Variants in CYTIP observed in about 807,000 individuals in gnomAD.
CYTIP encodes the protein cytohesin 1 interacting protein.
CYTIP carries 26 observed loss-of-function variants against 43.8 expected under a neutral mutation model. That is an observed-to-expected ratio of 0.59 (90% CI 0.44 to 0.82). The LOEUF (loss-of-function observed/expected upper bound fraction) is 0.82. CYTIP is among the 40% of genes least tolerant of loss of function. The pLI, the probability that CYTIP is intolerant of heterozygous loss-of-function variation, is 0.00. For synonymous variants in CYTIP, 162 were observed against 162.9 expected, an observed-to-expected ratio of 0.99 and a Z score of 0.04; for missense variants, 426 against 443.1, an observed-to-expected ratio of 0.96 and a Z score of 0.35.
In CYTIP at chr2:157,415,275, A is replaced by G. The variant is rs944256784; in HGVS notation, c.*402T>C. 3.0e-5 allele frequency: 5 copies of G among 164,626 alleles called. No homozygotes were observed. Among genetic ancestry groups the G allele is most frequent in the Admixed American group, 1.2e-4 (2 of 17,378 alleles). The allele number at this position is 164,626 out of a possible 1,614,324, so 10.2% of individuals were successfully genotyped here. ...GCATAAGCAAACCTAAGATTTTATA[A>G]CCCAGCAATTATCCTATAGAAAATA... On this transcript the variant is annotated 3_prime_UTR_variant, in exon 8 of 8. Transcript: ENST00000264192.
intron 6 of CYTIP, among the ~76,000 whole-genome samples, chr2:157,421,259 T>C (rs776635103): frequency 2.0e-5 from 3 of 152,228 alleles, no homozygotes; most frequent in Non-Finnish European, 4.4e-5. Flanking sequence ...CTGTGCCTAG[T>C]TCAGTGCCAG....
At chr2:157,434,611 G>GAC in intron 2 of CYTIP, 87 bp downstream of exon 2, 1 of 984,236 alleles carries the variant, frequency 1.0e-6, no homozygotes, top group South Asian at 1.4e-5. Context: ...GAGAGAGAGA[G>GAC]AGAGAGGAAG....
intron 1 of CYTIP, among the ~76,000 whole-genome samples, chr2:157,441,721 C>T (rs1685922042): frequency 6.6e-6 from 1 of 152,140 alleles, no homozygotes; most frequent in Admixed American, 6.5e-5. Context: ...TTTCAGTTCA[C>T]GCTATCTTCA....
At chr2:157,435,444 A>G (rs1685794975) in intron 1 of CYTIP, among the ~76,000 whole-genome samples, 1 of 152,242 alleles carries the variant, frequency 6.6e-6, no homozygotes, top group Non-Finnish European at 1.5e-5. Flanking sequence ...AAGAAAGGAA[A>G]GAAACCTCAG....
intron 7 of CYTIP, among the ~76,000 whole-genome samples, chr2:157,417,243 C>T (rs894420479): frequency 6.6e-6 from 1 of 152,180 alleles, no homozygotes; most frequent in African/African-American, 2.4e-5. Flanking sequence ...GCTAATACAA[C>T]CTACTTCATT....
chr2:157,435,334 C>T (rs1467360509), intron 1 of CYTIP, among the ~76,000 whole-genome samples: 1 of 152,148 alleles, frequency 6.6e-6, no homozygotes, highest in African/African-American at 2.4e-5. Context: ...ACAACCAACT[C>T]ACACACACAA....
intron 7 of CYTIP, among the ~76,000 whole-genome samples, chr2:157,417,719 A>G (rs2105131283): frequency 6.6e-6 from 1 of 152,258 alleles, no homozygotes; most frequent in South Asian, 2.1e-4. Flanking sequence ...ACAGAAGTTC[A>G]TACCAGAACT....
At chr2:157,416,346 A>G (rs1333384663) in intron 7 of CYTIP, among the ~76,000 whole-genome samples, 1 of 152,238 alleles carries the variant, frequency 6.6e-6, no homozygotes, top group East Asian at 1.9e-4. Flanking sequence ...ACTATTGTTC[A>G]TAGACCAAGG....
At chr2:157,438,958 G>A (rs925575162) in intron 1 of CYTIP, 1 of 416,290 alleles carries the variant, frequency 2.4e-6, no homozygotes, top group African/African-American at 2.0e-5. Context: ...TGAATCAAAA[G>A]TCATTCTGGA....
chr2:157,415,559 T>C lies in CYTIP; in HGVS notation c.*118A>G. On this transcript the variant is annotated 3_prime_UTR_variant, in exon 8 of 8. Transcript: ENST00000264192. ...ACAACAATTTAAATAAAGGTCACTA[T>C]TGCTGTGAAATGGGATGTCAGTTTT... 1 of 671,848 alleles carries C rather than the reference T, an allele frequency of 1.5e-6. No homozygotes were observed. The highest frequency in any genetic ancestry group is 2.7e-5 in the East Asian group (1 of 37,622). The allele number at this position is 671,848 out of a possible 1,614,324, so 41.6% of individuals were successfully genotyped here.
chr2:157,419,355 C>T (rs16841714), intron 6 of CYTIP, among the ~76,000 whole-genome samples: 3,915 of 152,228 alleles, frequency 0.026, 119 homozygotes, highest in East Asian at 0.091. Flanking sequence ...GCTTCCTTAG[C>T]GGGCTAAACT....
At chr2:157,441,419 A>AT (rs370684193) in intron 1 of CYTIP, among the ~76,000 whole-genome samples, 12 of 152,188 alleles carry the variant, frequency 7.9e-5, no homozygotes, top group Non-Finnish European at 1.5e-4. Context: ...TTGTTTTGCT[A>AT]TTTTTTAAAG....
intron 1 of CYTIP, among the ~76,000 whole-genome samples, chr2:157,443,171 C>T (rs1685943473): frequency 6.6e-6 from 1 of 152,140 alleles, no homozygotes; most frequent in South Asian, 2.1e-4. Flanking sequence ...CTGTGTTAGG[C>T]ACTGCACAGT....
chr2:157,437,369 A>T (rs1167501388), intron 1 of CYTIP, among the ~76,000 whole-genome samples: 4 of 152,126 alleles, frequency 2.6e-5, no homozygotes, highest in East Asian at 1.9e-4. Context: ...AAAAAAATTT[A>T]AAAATGGGCA....
intron 3 of CYTIP, among the ~76,000 whole-genome samples, chr2:157,431,622 T>G (rs1685715203): frequency 6.6e-6 from 1 of 152,214 alleles, no homozygotes; most frequent in Non-Finnish European, 1.5e-5. Flanking sequence ...TTTTTTATTT[T>G]TAATTATACC....
At chr2:157,417,028 A>G (rs1259219563) in intron 7 of CYTIP, among the ~76,000 whole-genome samples, 1 of 152,118 alleles carries the variant, frequency 6.6e-6, no homozygotes, top group Non-Finnish European at 1.5e-5. Context: ...CAGCCTTGGA[A>G]AAACGTAATC....
At position 157,422,434 on chromosome 2, in the gene CYTIP, T is replaced by C. The variant is rs541591214; in HGVS notation, c.547-3845A>G. Among the ~76,000 whole-genome samples, 10 of 152,200 alleles carry C rather than the reference T, an allele frequency of 6.6e-5. No homozygotes were observed. The East Asian group carries it at 1.9e-3, about 29-fold the overall frequency. ...TGTAATCCCAGCACTTTGGGAGGCCTAAGCGAGCGGATCACCTGAGGGCAG... is the reference window on the plus strand; with the variant it reads ...TGTAATCCCAGCACTTTGGGAGGCCCAAGCGAGCGGATCACCTGAGGGCAG... On this transcript the variant is annotated intron_variant, in intron 6 of 7. Coordinates refer to ENST00000264192, the MANE Select transcript of CYTIP (RefSeq NM_004288.5).
chr2:157,415,972 T>C lies in CYTIP; in HGVS notation c.785A>G (p.Gln262Arg), dbSNP rs200722855. The C allele has an allele frequency of 9.9e-6, 16 of 1,614,238 alleles. No homozygotes were observed. The African/African-American group carries it at 2.1e-4, about 22-fold the overall frequency. Residue 262 changes from glutamine (Q) to arginine (R), a missense_variant, in exon 8 of 8, where the codon CAG becomes CGG. By Grantham distance (43) the Gln-to-Arg change is conservative. Coordinates refer to ENST00000264192, the MANE Select transcript of CYTIP (RefSeq NM_004288.5). ...GCTGGAGTCCTCAGACACACACGTC[T>C]GGTAGCCATCTTCACTGTCCATCGT... ...SMTMDSEDGY[Q>R]TCVSEDSSRG... is the part of the protein sequence containing the mutation.
In CYTIP at chr2:157,415,730, T is replaced by C; in HGVS notation, c.1027A>G (p.Lys343Glu). Residue 343 changes from lysine (K) to glutamate (E), a missense_variant, in exon 8 of 8, where the codon AAA (lysine) becomes GAA (glutamate). Coordinates refer to ENST00000264192, the MANE Select transcript of CYTIP (RefSeq NM_004288.5). ...RKGSVRKQLL[K>E]FIPGLHRAVE... ...GCACGATGAAGGCCAGGGATAAATT[T>C]CAAGAGTTGCTTTCGGACACTTCCC... is the stretch of plus-strand genomic sequence containing the variant. 6.2e-7 allele frequency: 1 copy of C among 1,614,028 alleles called. No individual in the cohort carries two copies. The highest frequency in any genetic ancestry group is 8.5e-7 in the Non-Finnish European group (1 of 1,179,916).
Sources: gnomAD v4.1 joint callset for allele counts (sites outside exome capture counted in the v4.1 genomes callset) on GRCh38, gnomAD v4.1.1 for gene constraint, MANE v1.5 for transcripts, NCBI Gene and HGNC (gene_info 2026-07-23, HGNC 2026-07-21) for gene names.